The following NAV3 variants were observed in gnomAD, a reference collection of about 807,000 sequenced individuals.
The protein encoded by NAV3 is neuron navigator 3.
Under a neutral mutation model 244.7 loss-of-function variants are expected in NAV3, and 87 were observed. The observed-to-expected ratio is 0.36, with a 90% CI of 0.30 to 0.42. NAV3 has a LOEUF of 0.42. Among genes scored for constraint, NAV3 ranks in the 20% least tolerant of loss-of-function variants. NAV3 has a pLI of 1.00. For synonymous variants in NAV3, 1,126 were observed against 1,042.2 expected (o/e 1.08, Z -1.55); for missense variants, 2,663 against 2,893.3 (o/e 0.92, Z 1.83).
intron 12 of NAV3, among the ~76,000 whole-genome samples, chr12:78,079,512 C>A (rs1953239123): frequency 1.3e-5 from 2 of 152,062 alleles, no homozygotes. Flanking sequence ...AATCCCAAAC[C>A]TACTTTAAAA....
chr12:78,012,494 C>A (rs1211757079), intron 8 of NAV3, among the ~76,000 whole-genome samples: 1 of 151,972 alleles, frequency 6.6e-6, no homozygotes, highest in Non-Finnish European at 1.5e-5. Context: ...AATCTAATAC[C>A]CTGTTCACAA....
chr12:78,052,779 T>G (rs1566066654), intron 11 of NAV3, among the ~76,000 whole-genome samples: 1 of 152,162 alleles, frequency 6.6e-6, no homozygotes, highest in Non-Finnish European at 1.5e-5. Context: ...TCTTCTCCAT[T>G]CTTTCCACTC....
At chr12:77,933,097 A>G (rs1270186063) in intron 1 of NAV3, among the ~76,000 whole-genome samples, 2 of 152,202 alleles carry the variant, frequency 1.3e-5, no homozygotes, top group East Asian at 3.8e-4. Flanking sequence ...TTAAAAATGG[A>G]ATAAATTGAC....
intron 3 of NAV3, among the ~76,000 whole-genome samples, chr12:77,957,626 A>G (rs1891487518): frequency 6.6e-6 from 1 of 152,204 alleles, no homozygotes; most frequent in Admixed American, 6.5e-5. Flanking sequence ...AAAGCACTAC[A>G]TTTTTAGAAT....
At position 77,704,076 on chromosome 12, in the gene NAV3, TA is replaced by T. The variant is rs201323839; in HGVS notation, c.72+131812del. 4.9e-3 allele frequency among the ~76,000 whole-genome samples: 748 copies of T among 152,326 alleles called. 4 individuals are homozygous for T. Among genetic ancestry groups the T allele is most frequent in the African/African-American group, 0.017 (720 of 41,566 alleles). On this transcript the variant is annotated intron_variant, in intron 2 of 8. Coordinates refer to the NAV3 transcript ENST00000550042. The stretch of plus-strand genomic sequence containing the variant: ...GTGATTAATCTGAGCCATAGAATAT[TA>T]ATTAAACATATATTGAGTAAACACA...
At chr12:78,008,316 T>A (rs1417300461) in intron 8 of NAV3, among the ~76,000 whole-genome samples, 2 of 152,188 alleles carry the variant, frequency 1.3e-5, no homozygotes, top group African/African-American at 4.8e-5. Context: ...TTAAATGCAT[T>A]ATTATGCATT....
chr12:77,921,512 G>C (rs1337702179), intron 1 of NAV3, among the ~76,000 whole-genome samples: 1 of 152,082 alleles, frequency 6.6e-6, no homozygotes, highest in Non-Finnish European at 1.5e-5. Context: ...GAATATATTA[G>C]AGCAGGAAAA....
chr12:77,585,371 T>G (rs951685512), intron 2 of NAV3, among the ~76,000 whole-genome samples: 1 of 152,188 alleles, frequency 6.6e-6, no homozygotes, highest in Non-Finnish European at 1.5e-5. Flanking sequence ...GCGTGTTTGA[T>G]TCTATCTCTT....
At chr12:77,943,018 T>C (rs1890022120) in intron 3 of NAV3, among the ~76,000 whole-genome samples, 1 of 152,194 alleles carries the variant, frequency 6.6e-6, no homozygotes, top group Non-Finnish European at 1.5e-5. Context: ...TCATTCCAAT[T>C]TGATTCTGGG....
rs990351525 is a variant in NAV3 at position 77,819,855 on chromosome 12, A to AT, written c.73-120463dup. On this transcript the variant is annotated intron_variant, in intron 2 of 8. Transcript: ENST00000550042. Reference sequence around the variant, plus strand: ...AACGAGAAAGATATTTTAGGGCAACATATGTGTGGTTCGTAAAACCAATAA... The same window carrying AT: ...AACGAGAAAGATATTTTAGGGCAACATTATGTGTGGTTCGTAAAACCAATAA... Among the ~76,000 whole-genome samples the AT allele has an allele frequency of 4.9e-4, 74 of 152,290 alleles. 1 individual carries two copies. The highest frequency in any genetic ancestry group is 1.8e-3 in the African/African-American group (73 of 41,568).
intron 2 of NAV3, among the ~76,000 whole-genome samples, chr12:77,578,286 C>T (rs1182634384): frequency 6.6e-6 from 1 of 152,164 alleles, no homozygotes. Context: ...ATTTTAAGAT[C>T]CCCCGGTGAC....
intron 2 of NAV3, among the ~76,000 whole-genome samples, chr12:77,736,783 A>G (rs1877353270): frequency 6.6e-6 from 1 of 152,192 alleles, no homozygotes; most frequent in Admixed American, 6.5e-5. Flanking sequence ...GGGGCACTAT[A>G]TGTCACCACA....
At chr12:77,599,633 T>C (rs898618856) in intron 2 of NAV3, among the ~76,000 whole-genome samples, 1 of 151,924 alleles carries the variant, frequency 6.6e-6, no homozygotes, top group Non-Finnish European at 1.5e-5. Flanking sequence ...ATATGTGTGA[T>C]ATATATGTGT....
At chr12:78,187,530 A>G (rs1201689865) in intron 31 of NAV3, among the ~76,000 whole-genome samples, 1 of 151,944 alleles carries the variant, frequency 6.6e-6, no homozygotes, top group African/African-American at 2.4e-5. Context: ...CCTTTCTAAT[A>G]TATGTAGAAA....
intron 12 of NAV3, among the ~76,000 whole-genome samples, chr12:78,088,488 A>C (rs1953750889): frequency 6.6e-6 from 1 of 151,976 alleles, no homozygotes; most frequent in Admixed American, 6.5e-5. Context: ...ACCTTCCCTT[A>C]GTTTGTTGAC....
At position 77,879,017 on chromosome 12, in the gene NAV3, G is replaced by C. The variant is rs117857524; in HGVS notation, c.243+47313G>C. Among the ~76,000 whole-genome samples the C allele has an allele frequency of 1.3e-3, 202 of 152,170 alleles. 4 individuals are homozygous for C. In the East Asian group the frequency reaches 0.038, roughly 29 times the overall value. The stretch of plus-strand genomic sequence containing the variant: ...TGCCTATACACACTTTGTCCCAGAT[G>C]GTCATTTCTTTATTTTTACTGACCC... On this transcript the variant is annotated intron_variant, in intron 1 of 39. Coordinates refer to ENST00000397909, the MANE Select transcript of NAV3 (RefSeq NM_001024383.2).
At chr12:77,839,874 A>G (rs906083325) in intron 1 of NAV3, among the ~76,000 whole-genome samples, 2 of 152,140 alleles carry the variant, frequency 1.3e-5, no homozygotes, top group African/African-American at 4.8e-5. Flanking sequence ...GTTCATCTAG[A>G]CCAGCCTGGC....
At chr12:77,966,377 A>G in intron 4 of NAV3, 76 bp downstream of exon 4, 2 of 1,238,942 alleles carry the variant, frequency 1.6e-6, no homozygotes, top group Non-Finnish European at 2.3e-6. Flanking sequence ...TAAGAAATGT[A>G]ACATTGGAGT....
intron 2 of NAV3, among the ~76,000 whole-genome samples, chr12:77,629,163 A>G (rs1316596434): frequency 6.6e-6 from 1 of 152,212 alleles, no homozygotes; most frequent in Non-Finnish European, 1.5e-5. Context: ...GTTGTAAAAA[A>G]TGAGAGTTGA....
Sources: allele counts gnomAD v4.1 joint callset (sites outside exome capture counted in the v4.1 genomes callset), GRCh38; gene constraint gnomAD v4.1.1; transcripts MANE v1.5; gene names NCBI Gene and HGNC (gene_info 2026-07-23, HGNC 2026-07-21).